SH3PXD2A: variants seen among roughly 807,000 people sequenced by gnomAD.
SH3PXD2A encodes SH3 and PX domains 2A, also known as SH3 and PX domain-containing protein 2A.
A neutral mutation model predicts 115.2 loss-of-function variants in SH3PXD2A; 32 were observed. The observed-to-expected ratio is 0.28, with a 90% CI of 0.21 to 0.37. The LOEUF is 0.37. SH3PXD2A is among the 10% of genes least tolerant of loss of function. The pLI is 1.00. For synonymous variants in SH3PXD2A, 610 were observed against 629.1 expected, an observed-to-expected ratio of 0.97 and a Z score of 0.45; for missense variants, 1,328 against 1,498.7, an observed-to-expected ratio of 0.89 and a Z score of 1.88.
intron 10 of SH3PXD2A, among the ~76,000 whole-genome samples, chr10:103,619,140 C>A (rs938787022): frequency 1.5e-4 from 23 of 152,258 alleles, no homozygotes; most frequent in African/African-American, 5.5e-4. Context: ...GGGCCTTACT[C>A]TGGAGGCTTT....
At chr10:103,818,298 T>C (rs1191356215) in intron 1 of SH3PXD2A, among the ~76,000 whole-genome samples, 2 of 152,170 alleles carry the variant, frequency 1.3e-5, no homozygotes, top group Non-Finnish European at 2.9e-5. Flanking sequence ...CTTGTGTGGG[T>C]AGACGCCATG....
At chr10:103,852,679 A>G (rs956524557) in intron 1 of SH3PXD2A, among the ~76,000 whole-genome samples, 1 of 152,120 alleles carries the variant, frequency 6.6e-6, no homozygotes, top group Non-Finnish European at 1.5e-5. Context: ...CCAGGAGAGG[A>G]AGAGGCTGCA....
chr10:103,742,948 T>TC (rs5787497), intron 3 of SH3PXD2A, among the ~76,000 whole-genome samples: 1 of 151,010 alleles, frequency 6.6e-6, no homozygotes, highest in Admixed American at 6.6e-5. Flanking sequence ...GGAACCTCCC[T>TC]CCCCCCCTCA....
At chr10:103,633,012 C>A (rs1181299600) in intron 8 of SH3PXD2A, among the ~76,000 whole-genome samples, 2 of 151,790 alleles carry the variant, frequency 1.3e-5, no homozygotes, top group East Asian at 1.9e-4. Flanking sequence ...CCAAAAAAAA[C>A]CAAAAAACAA....
Position 103,668,614 on chromosome 10 carries a change from C to G in SH3PXD2A, c.466G>C (p.Val156Leu), listed in dbSNP as rs370795778. The change falls in exon 7 of 15, where the codon GTG becomes CTG. Residue 156 changes from valine (V) to leucine (L), a missense_variant. Around this residue, in one of 5 missense-constraint regions of SH3PXD2A, gnomAD observed 90 missense variants for 71.1 expected, o/e 1.27. Transcript: ENST00000369774. ...SSWAESPKKD[V>L]TGADATAEPM... is the part of the protein sequence containing the mutation. ...CATGCACGCTGGGCAGTACCTGTCA[C>G]GTCCTTCTTGGGCGACTCAGCCCAG... The G allele has an allele frequency of 6.4e-7, 1 of 1,556,180 alleles. No individual in the cohort carries two copies. The highest frequency in any genetic ancestry group is 1.4e-5 in the African/African-American group (1 of 73,688).
chr10:103,807,008 C>G (rs2134271750), intron 1 of SH3PXD2A, among the ~76,000 whole-genome samples: 1 of 152,354 alleles, frequency 6.6e-6, no homozygotes, highest in African/African-American at 2.4e-5. Flanking sequence ...CTGCTCAGCT[C>G]ACAAGGCCCA....
At chr10:103,721,310 T>G (rs12220358) in intron 5 of SH3PXD2A, among the ~76,000 whole-genome samples, 44,330 of 152,056 alleles carry the variant, frequency 0.29, 7,068 homozygotes, top group African/African-American at 0.41. Context: ...ATTGAGCAAA[T>G]GGCCAAAGAT....
Position 103,602,100 on chromosome 10 carries a change from C to T in SH3PXD2A, c.3118G>A (p.Gly1040Ser), listed in dbSNP as rs2036223618. The part of the protein sequence containing the change: ...GRLAERAASQ[G>S]SDSPLLPAQR... ...GCGGGCAGTAGGGGTGAGTCTGAACCCTGGCTGGCAGCCCGTTCGGCCAGG... is the reference window on the plus strand; with the variant it reads ...GCGGGCAGTAGGGGTGAGTCTGAACTCTGGCTGGCAGCCCGTTCGGCCAGG... The change falls in exon 15 of 15, where the codon GGT becomes AGT. Residue 1040 changes from glycine to serine, a missense_variant. Transcript: ENST00000369774. 6 of 1,592,838 alleles carry T rather than the reference C, an allele frequency of 3.8e-6. No individual in the cohort carries two copies. The Admixed American group carries it at 6.8e-5, about 18-fold the overall frequency.
intron 5 of SH3PXD2A, 145 bp from the exon 6 acceptor site, chr10:103,693,201 C>T: frequency 3.3e-6 from 1 of 303,090 alleles, no homozygotes; most frequent in Non-Finnish European, 5.7e-6. Flanking sequence ...GCCGCGCGCT[C>T]CGCAGCCGCA....
chr10:103,673,299 C>T (rs1023506708), intron 6 of SH3PXD2A: 1 of 152,132 alleles, frequency 6.6e-6, no homozygotes, highest in African/African-American at 2.4e-5. Flanking sequence ...CATGGTGGCT[C>T]GCGTCTGTAA....
chr10:103,681,090 A>G (rs543814756), intron 6 of SH3PXD2A, among the ~76,000 whole-genome samples: 37 of 152,198 alleles, frequency 2.4e-4, no homozygotes, highest in Non-Finnish European at 5.0e-4. Context: ...CTGGACCACA[A>G]TTTGGGTATT....
rs893112024 is a variant in SH3PXD2A, at chr10:103,764,165, C to T, written c.229+2929G>A. On this transcript the variant is annotated intron_variant, in intron 3 of 14. Coordinates refer to ENST00000369774, the MANE Select transcript of SH3PXD2A (RefSeq NM_001394015.1). The stretch of plus-strand genomic sequence containing the variant: ...GGTGGGGGTGGATGGGGAATCCTCA[C>T]ACCCACTCAACTTGCCCTGGCCAGG... Among the ~76,000 whole-genome samples, 3 of 152,234 alleles carry T rather than the reference C, an allele frequency of 2.0e-5. 1 individual carries two copies. The South Asian group carries it at 6.2e-4, about 32-fold the overall frequency.
At chr10:103,769,196 A>G (rs2038793253) in intron 2 of SH3PXD2A, among the ~76,000 whole-genome samples, 1 of 145,178 alleles carries the variant, frequency 6.9e-6, no homozygotes, top group African/African-American at 2.6e-5. Context: ...GCGCGCGCGC[A>G]TTTATTTCCA....
At chr10:103,806,386 C>A (rs749514894) in intron 1 of SH3PXD2A, among the ~76,000 whole-genome samples, 16 of 152,038 alleles carry the variant, frequency 1.1e-4, no homozygotes, top group Non-Finnish European at 2.4e-4. Context: ...AAATTCCACC[C>A]CAGCCCATGC....
In SH3PXD2A at chr10:103,812,982, T is replaced by C. The variant is rs1036447470; in HGVS notation, c.73-11620A>G. Among the ~76,000 whole-genome samples, 3 of 152,166 alleles carry C rather than the reference T, an allele frequency of 2.0e-5. No homozygotes were observed. The East Asian group carries it at 5.8e-4, about 29-fold the overall frequency. ...GTGTGTATATATGTGTGTGTGTATG[T>C]ATATAAAGATAAGGAATATTGAATG... On this transcript the variant is annotated intron_variant, in intron 1 of 14. Coordinates refer to ENST00000369774, the MANE Select transcript of SH3PXD2A (RefSeq NM_001394015.1).
At chr10:103,841,185 A>C (rs2039594194) in intron 1 of SH3PXD2A, among the ~76,000 whole-genome samples, 1 of 152,188 alleles carries the variant, frequency 6.6e-6, no homozygotes, top group South Asian at 2.1e-4. Flanking sequence ...GGGATTTATC[A>C]CACTGATCCA....
chr10:103,728,344 T>A (rs755963142), intron 4 of SH3PXD2A, among the ~76,000 whole-genome samples: 1 of 152,214 alleles, frequency 6.6e-6, no homozygotes. Context: ...TGAGCCGTGA[T>A]AACATTAGTG....
At chr10:103,633,543 T>C (rs1273244627) in intron 8 of SH3PXD2A, among the ~76,000 whole-genome samples, 2 of 150,806 alleles carry the variant, frequency 1.3e-5, no homozygotes, top group African/African-American at 2.4e-5. Context: ...CTGGCCAACA[T>C]GGTAAAACTG....
intron 4 of SH3PXD2A, among the ~76,000 whole-genome samples, chr10:103,727,635 G>A (rs1161046947): frequency 1.3e-5 from 2 of 152,236 alleles, no homozygotes; most frequent in Non-Finnish European, 2.9e-5. Context: ...ACCCTGGCCA[G>A]CCATGGCTCA....
Sources: gnomAD v4.1 joint callset for allele counts (sites outside exome capture counted in the v4.1 genomes callset) on GRCh38, gnomAD v4.1.1 for gene constraint, gnomAD v4.1.1 regional missense constraint, MANE v1.5 for transcripts, NCBI Gene and HGNC (gene_info 2026-07-23, HGNC 2026-07-21) for gene names.